SGCD: variants seen among roughly 807,000 people sequenced by gnomAD.
SGCD encodes sarcoglycan delta.
In SGCD, 18 loss-of-function variants were observed where a neutral mutation model predicts 36.6. The observed-to-expected ratio is 0.49, with a 90% CI of 0.34 to 0.73. The LOEUF (loss-of-function observed/expected upper bound fraction) is 0.73. SGCD is among the 30% of genes least tolerant of loss of function. SGCD has a pLI of 0.01. For missense variants in SGCD, 387 were observed against 346.7 expected, an observed-to-expected ratio of 1.12 and a Z score of -0.92; for synonymous variants, 133 against 130.6, an observed-to-expected ratio of 1.02 and a Z score of -0.12.
At chr5:155,880,383 A>G (rs939026350) in intron 1 of SGCD, among the ~76,000 whole-genome samples, 1 of 152,204 alleles carries the variant, frequency 6.6e-6, no homozygotes, top group Non-Finnish European at 1.5e-5. Flanking sequence ...AGTAGCTGGT[A>G]TTCTGACTTA....
Position 156,236,985 on chromosome 5 carries a change from C to A in SGCD, c.-43-92549C>A, listed in dbSNP as rs573100972. ...AGTACCTGGGATTACAGGCAGGCACCACCATGCCGGACTAACTTTTTGTAC... is the reference window on the plus strand; with the variant it reads ...AGTACCTGGGATTACAGGCAGGCACAACCATGCCGGACTAACTTTTTGTAC... On this transcript the variant is annotated intron_variant, in intron 3 of 9. Coordinates refer to the SGCD transcript ENST00000517913. Among the ~76,000 whole-genome samples, 37 of 151,990 alleles carry A rather than the reference C, an allele frequency of 2.4e-4. 1 individual carries two copies. The highest frequency in any genetic ancestry group is 1.2e-3 in the East Asian group (6 of 5,108).
chr5:155,976,020 T>G (rs1480228119), intron 1 of SGCD, among the ~76,000 whole-genome samples: 1 of 152,220 alleles, frequency 6.6e-6, no homozygotes, highest in Non-Finnish European at 1.5e-5. Context: ...AGTTGAATTC[T>G]CCTTAGTCAC....
Position 155,939,656 on chromosome 5 carries a change from A to AT in SGCD, c.-282+69232_-282+69233insT, listed in dbSNP as rs1001546998. The stretch of plus-strand genomic sequence containing the variant: ...AGAGACTCTCTCTCAAAAAAAAAAA[A>AT]AAATAATAATAATGAAAAAAATCTC... On this transcript the variant is annotated intron_variant, in intron 1 of 9. Transcript: ENST00000517913. 1.3e-4 allele frequency among the ~76,000 whole-genome samples: 19 copies of AT among 150,456 alleles called. 1 individual carries two copies. Among genetic ancestry groups the AT allele is most frequent in the East Asian group, 1.2e-3 (6 of 5,110 alleles).
chr5:155,952,686 T>A (rs150450410), intron 1 of SGCD, among the ~76,000 whole-genome samples: 113 of 152,330 alleles, frequency 7.4e-4, no homozygotes, highest in African/African-American at 2.5e-3. Context: ...TAAGCCACCG[T>A]CAGCCCCTAA....
At chr5:155,936,161 C>T (rs956289620) in intron 1 of SGCD, among the ~76,000 whole-genome samples, 6 of 152,212 alleles carry the variant, frequency 3.9e-5, no homozygotes, top group Non-Finnish European at 7.3e-5. Flanking sequence ...CTTTCCTTCT[C>T]TCTTCTCGGC....
At chr5:155,891,494 C>T (rs972267805) in intron 1 of SGCD, among the ~76,000 whole-genome samples, 2 of 143,610 alleles carry the variant, frequency 1.4e-5, no homozygotes, top group East Asian at 2.1e-4. Flanking sequence ...TCTTTTGTCT[C>T]ACTGTTGATG....
chr5:156,139,296 A>G (rs1457867149), intron 3 of SGCD, among the ~76,000 whole-genome samples: 1 of 152,140 alleles, frequency 6.6e-6, no homozygotes, highest in Non-Finnish European at 1.5e-5. Flanking sequence ...TGGAAATATT[A>G]TATCTCTAGC....
At chr5:156,071,713 C>G (rs1281322995) in intron 1 of SGCD, among the ~76,000 whole-genome samples, 2 of 152,092 alleles carry the variant, frequency 1.3e-5, no homozygotes, top group Admixed American at 6.5e-5. Context: ...ATTGATCTGT[C>G]TAATGTTGAC....
chr5:156,398,836 T>C (rs964088047), intron 3 of SGCD, among the ~76,000 whole-genome samples: 6 of 152,138 alleles, frequency 3.9e-5, no homozygotes, highest in Non-Finnish European at 7.4e-5. Flanking sequence ...TTGGATCCTA[T>C]ACCTCTTTGG....
intron 3 of SGCD, among the ~76,000 whole-genome samples, chr5:156,185,167 G>A (rs934888207): frequency 8.6e-5 from 13 of 151,116 alleles, no homozygotes; most frequent in African/African-American, 3.2e-4. Context: ...GCAGTAAAAT[G>A]ACTGGCTTTG....
At chr5:156,313,811 A>G (rs1767447974) in intron 3 of SGCD, among the ~76,000 whole-genome samples, 1 of 152,054 alleles carries the variant, frequency 6.6e-6, no homozygotes, top group African/African-American at 2.4e-5. Context: ...TAGACTCCAC[A>G]ATTGGAATTT....
rs373397656 is a variant in SGCD at position 156,762,528 on chromosome 5, T to A, written c.*3138T>A. On this transcript the variant is annotated 3_prime_UTR_variant, in exon 9 of 9. Transcript: ENST00000337851. ...GGCTTTGAACATCCTTTAGGTCATT[T>A]TCTCTTTGGATAATTTTCATCGCAT... The A allele has an allele frequency of 6.6e-6, 1 of 152,664 alleles. No homozygotes were observed. Among genetic ancestry groups the A allele is most frequent in the South Asian group, 2.1e-4 (1 of 4,832 alleles). The allele number at this position is 152,664 out of a possible 1,614,324, so 9.5% of individuals were successfully genotyped here. A position where few individuals can be genotyped will look rare whatever the true frequency, so the allele number is the denominator to read the frequency against.
At chr5:156,346,344 G>A (rs967956825) in intron 3 of SGCD, among the ~76,000 whole-genome samples, 5 of 151,994 alleles carry the variant, frequency 3.3e-5, no homozygotes, top group African/African-American at 9.7e-5. Context: ...TTTCACAGAC[G>A]CTGTAGGACA....
chr5:156,127,145 A>G (rs2127604668), intron 3 of SGCD, among the ~76,000 whole-genome samples: 1 of 152,348 alleles, frequency 6.6e-6, no homozygotes, highest in Non-Finnish European at 1.5e-5. Flanking sequence ...TAGTGAATAC[A>G]TACACAAATA....
chr5:156,056,654 A>AAAAAAAAAAAAAAAAAAAAAAC (rs1209421786), intron 1 of SGCD, among the ~76,000 whole-genome samples: 1 of 137,830 alleles, frequency 7.3e-6, no homozygotes, highest in African/African-American at 2.8e-5. Flanking sequence ...TTAAAAAAAA[A>AAAAAAAAAAAAAAAAAAAAAAC]AAAAAAAAAA....
Position 156,765,643 on chromosome 5 carries a change from C to T in SGCD, c.*6253C>T, listed in dbSNP as rs1015890677. On this transcript the variant is annotated 3_prime_UTR_variant, in exon 9 of 9. Coordinates refer to ENST00000337851, the MANE Select transcript of SGCD (RefSeq NM_000337.6). ...TCTCCTATTTCATCCTCAAAACAAT[C>T]CTTTGAGTTGGGTTTTAATATAGTT... is the stretch of plus-strand genomic sequence containing the variant. 9 of 152,134 alleles carry T rather than the reference C, an allele frequency of 5.9e-5. No homozygotes were observed. Among genetic ancestry groups the T allele is most frequent in the African/African-American group, 2.2e-4 (9 of 41,420 alleles). The allele number at this position is 152,134 out of a possible 1,614,324, so 9.4% of individuals were successfully genotyped here. A position where few individuals can be genotyped will look rare whatever the true frequency, so the allele number is the denominator to read the frequency against.
intron 1 of SGCD, among the ~76,000 whole-genome samples, chr5:156,107,781 A>G (rs1761682290): frequency 6.6e-6 from 1 of 152,112 alleles, no homozygotes; most frequent in Non-Finnish European, 1.5e-5. Flanking sequence ...TATGTCTACT[A>G]ATGTTTTTCA....
chr5:156,329,802 G>T (rs1435871368), intron 2 of SGCD, among the ~76,000 whole-genome samples: 4 of 152,038 alleles, frequency 2.6e-5, no homozygotes, highest in African/African-American at 7.2e-5. Flanking sequence ...TGGATCACGA[G>T]GTCAGGAGAT....
At chr5:155,865,799 C>T (rs1288998233), upstream of SGCD, among the ~76,000 whole-genome samples, 4 of 152,172 alleles carry the variant, frequency 2.6e-5, no homozygotes, top group African/African-American at 9.6e-5. Context: ...TGTCAAGTTG[C>T]TCACATTGGC....
Sources: gnomAD v4.1 joint callset for allele counts (sites outside exome capture counted in the v4.1 genomes callset) on GRCh38, gnomAD v4.1.1 for gene constraint, MANE v1.5 for transcripts, NCBI Gene and HGNC (gene_info 2026-07-23, HGNC 2026-07-21) for gene names.